The following MYH13 variants were observed in gnomAD, a reference collection of about 807,000 sequenced individuals.
MYH13 encodes myosin heavy chain 13.
Under a neutral mutation model 232.1 loss-of-function variants are expected in MYH13, and 177 were observed. The ratio of observed to expected loss-of-function variants is 0.76; its 90% confidence interval spans 0.67 to 0.86. The LOEUF is 0.86. Ranked by LOEUF, MYH13 falls within the 40% of genes least tolerant of loss-of-function variation. MYH13 has a pLI of 0.00. For missense variants in MYH13, 2,246 were observed against 2,405.9 expected (o/e 0.93, Z 1.39); for synonymous variants, 884 against 923.5 (o/e 0.96, Z 0.78).
At position 10,362,148 on chromosome 17, in the gene MYH13, A is replaced by G; in HGVS notation, c.475T>C (p.Ser159Pro). Residue 159 changes from serine to proline, a missense_variant, in exon 5 of 41, where the codon TCT (serine) becomes CCT (proline). Ser to Pro is a moderately conservative substitution (Grantham distance 74, BLOSUM62 -1). Transcript: ENST00000252172. ...QEAPPHIFSI[S>P]DNAYQFMLTD... ...AGCATGAACTGATAGGCATTGTCAG[A>G]GATGGAGAAGATGTGGGGCGGGGCC... 3 of 1,613,910 alleles carry G rather than the reference A, an allele frequency of 1.9e-6. No homozygotes were observed. The highest frequency in any genetic ancestry group is 2.5e-6 in the Non-Finnish European group (3 of 1,179,862).
rs763795168 is a variant in MYH13 at position 10,319,086 on chromosome 17, C to T, written c.3442G>A (p.Glu1148Lys). ...TCTTCCAGCCTCTCGCTGATCTCCT[C>T]CAGTTCCCTGGCCAGATCTGAGCGC... is the stretch of plus-strand genomic sequence containing the variant. ...KQRSDLAREL[E>K]EISERLEEAS... The change falls in exon 27 of 41, where the codon GAG becomes AAG. Residue 1148 changes from glutamate to lysine, a missense_variant. Physicochemically the swap from Glu to Lys is moderately conservative, Grantham distance 56. Coordinates refer to ENST00000252172, the MANE Select transcript of MYH13 (RefSeq NM_003802.3). 1.2e-6 allele frequency: 2 copies of T among 1,614,196 alleles called. No homozygotes were observed. Among genetic ancestry groups the T allele is most frequent in the East Asian group, 4.5e-5 (2 of 44,886 alleles).
chr17:10,370,949 G>C (rs1195233733), intron 2 of MYH13, among the ~76,000 whole-genome samples: 2 of 152,156 alleles, frequency 1.3e-5, no homozygotes, highest in Non-Finnish European at 2.9e-5. Flanking sequence ...ACTAAGTACT[G>C]TGTATTGACT....
intron 18 of MYH13, among the ~76,000 whole-genome samples, chr17:10,338,458 GT>G: frequency 6.6e-6 from 1 of 151,676 alleles, no homozygotes; most frequent in South Asian, 2.1e-4. Context: ...GGGATTTAAA[GT>G]TTATAGTTCT....
At chr17:10,330,895 T>C (rs1907388085) in intron 20 of MYH13, among the ~76,000 whole-genome samples, 2 of 152,040 alleles carry the variant, frequency 1.3e-5, no homozygotes, top group Non-Finnish European at 2.9e-5. Context: ...TGGGGACCTG[T>C]AATCCCAGAT....
rs1907282230 is a variant in MYH13, at chr17:10,328,112, G to A, written c.2445C>T (p.Ile815=). The part of the protein sequence containing the change: ...FKKMMERRDS[I]FCIQYNIRSF... ...AGCGGATGTTGTACTGGATGCAGAAGATGGAGTCCCTGTACACCCATTAGG... is the reference window on the plus strand; with the variant it reads ...AGCGGATGTTGTACTGGATGCAGAAAATGGAGTCCCTGTACACCCATTAGG... The change falls in exon 22 of 41, where the codon ATC becomes ATT. Residue 815 remains isoleucine (I), a synonymous_variant. Coordinates refer to ENST00000252172, the MANE Select transcript of MYH13 (RefSeq NM_003802.3). 6.2e-7 allele frequency: 1 copy of A among 1,613,824 alleles called. No homozygotes were observed. The highest frequency in any genetic ancestry group is 1.7e-5 in the Admixed American group (1 of 59,934).
At chr17:10,356,004 G>A (rs1379843155) in intron 8 of MYH13, among the ~76,000 whole-genome samples, 1 of 152,066 alleles carries the variant, frequency 6.6e-6, no homozygotes, top group African/African-American at 2.4e-5. Flanking sequence ...ACAACTCAGG[G>A]TCTAGGTGGC....
chr17:10,307,639 T>A (rs189147217), intron 35 of MYH13, among the ~76,000 whole-genome samples: 1 of 152,216 alleles, frequency 6.6e-6, no homozygotes, highest in Non-Finnish European at 1.5e-5. Context: ...GTGAGGTATG[T>A]TTCAGCAATA....
At chr17:10,344,661 GAAA>G (rs909963693) in intron 15 of MYH13, among the ~76,000 whole-genome samples, 22 of 147,172 alleles carry the variant, frequency 1.5e-4, no homozygotes, top group African/African-American at 5.0e-4. Flanking sequence ...ACAAAAAAAA[GAAA>G]AAAAAAATTA....
At chr17:10,342,134 C>T (rs1193747979) in intron 16 of MYH13, among the ~76,000 whole-genome samples, 1 of 152,144 alleles carries the variant, frequency 6.6e-6, no homozygotes, top group African/African-American at 2.4e-5. Flanking sequence ...CAATTTCAGC[C>T]ACCCAATCTC....
intron 15 of MYH13, 95 bp downstream of exon 15, chr17:10,345,107 C>A: frequency 6.2e-7 from 1 of 1,601,928 alleles, no homozygotes; most frequent in Non-Finnish European, 8.5e-7. Context: ...AGCCTGGGGG[C>A]TAGGGGCCCC....
chr17:10,303,337 C>G (rs780603557), intron 38 of MYH13, 46 bp from the exon 39 acceptor site: 2 of 1,612,710 alleles, frequency 1.2e-6, no homozygotes, highest in African/African-American at 2.7e-5. Context: ...CCTATGGTCA[C>G]TTCTGATGGG....
intron 24 of MYH13, among the ~76,000 whole-genome samples, chr17:10,321,055 GA>G (rs1358241654): frequency 3.3e-5 from 5 of 152,284 alleles, no homozygotes; most frequent in Non-Finnish European, 7.4e-5. Context: ...AGTAAAACCT[GA>G]AAACTTCAAA....
chr17:10,366,986 A>G lies in MYH13; in HGVS notation c.-12-2444T>C, dbSNP rs2071842746. On this transcript the variant is annotated intron_variant, in intron 2 of 40. Transcript: ENST00000252172. ...TTTTCATAGTAAGGGACTGGAATTC[A>G]AATGCAGCACCCACAAATAAGACTC... Among the ~76,000 whole-genome samples, 2 of 152,252 alleles carry G rather than the reference A, an allele frequency of 1.3e-5. 1 individual carries two copies. Among genetic ancestry groups the G allele is most frequent in the Non-Finnish European group, 2.9e-5 (2 of 68,048 alleles).
intron 3 of MYH13, among the ~76,000 whole-genome samples, chr17:10,363,272 C>T (rs902074507): frequency 8.5e-5 from 12 of 141,184 alleles, no homozygotes; most frequent in East Asian, 6.1e-4. Context: ...GCCGAGATCA[C>T]GCCACTGCAC....
Position 10,313,261 on chromosome 17 carries a change from C to T in MYH13, c.4078G>A (p.Glu1360Lys), listed in dbSNP as rs371382799. The T allele has an allele frequency of 5.6e-5, 91 of 1,614,224 alleles. No homozygotes were observed. The highest frequency in any genetic ancestry group is 1.6e-4 in the South Asian group (15 of 91,080). ...GCCTTGGACAGCGCCCTCTGCAGCT[C>T]GGCCTTGGCTTCCTGCTCCTCCTCA... ...QYEEEQEAKA[E>K]LQRALSKANS... Residue 1360 changes from glutamate to lysine, a missense_variant, in exon 30 of 41, where the codon GAG (glutamate) becomes AAG (lysine). Coordinates refer to ENST00000252172, the MANE Select transcript of MYH13 (RefSeq NM_003802.3).
chr17:10,342,455 T>C (rs1001418660), intron 16 of MYH13, among the ~76,000 whole-genome samples: 4 of 152,186 alleles, frequency 2.6e-5, no homozygotes, highest in Non-Finnish European at 5.9e-5. Flanking sequence ...GTACCGTATA[T>C]ATATACCGTG....
chr17:10,334,381 A>G (rs2142248658), intron 18 of MYH13, among the ~76,000 whole-genome samples: 1 of 152,368 alleles, frequency 6.6e-6, no homozygotes, highest in South Asian at 2.1e-4. Context: ...GACCAGCCAC[A>G]TGTGGCTATT....
intron 5 of MYH13, 103 bp downstream of exon 5, chr17:10,362,015 G>C: frequency 6.3e-7 from 1 of 1,598,798 alleles, no homozygotes; most frequent in Non-Finnish European, 8.5e-7. Flanking sequence ...ACTCTCCGAA[G>C]ATCCTTTGAT....
rs1276356511 is a variant in MYH13 at position 10,306,554 on chromosome 17, C to T, written c.5371G>A (p.Glu1791Lys). ...TGCTGCAGGTCCTTCACCGTCTGCT[C>T]CAGGTTCTTCTTCATCCGCTCCAGG... is the stretch of plus-strand genomic sequence containing the variant. ...AHLERMKKNLEQTVKDLQHRL... is the reference protein window; with the variant it reads ...AHLERMKKNLKQTVKDLQHRL... The change falls in exon 37 of 41, where the codon GAG (glutamate) becomes AAG (lysine). Residue 1791 changes from glutamate (E) to lysine (K), a missense_variant. Physicochemically the swap from Glu to Lys is moderately conservative, Grantham distance 56. Transcript: ENST00000252172. The surrounding 1 kb of genome is among the most constrained non-coding windows in gnomAD (Gnocchi z 4.3). 6.2e-7 allele frequency: 1 copy of T among 1,614,144 alleles called. No individual in the cohort carries two copies. Among genetic ancestry groups the T allele is most frequent in the Admixed American group, 1.7e-5 (1 of 60,024 alleles).
Sources: allele counts gnomAD v4.1 joint callset (sites outside exome capture counted in the v4.1 genomes callset), GRCh38; gene constraint gnomAD v4.1.1; non-coding constraint Gnocchi (gnomAD v3.1); transcripts MANE v1.5; gene names NCBI Gene and HGNC (gene_info 2026-07-23, HGNC 2026-07-21).